The following PPP1R9A variants were observed in gnomAD, a reference collection of about 807,000 sequenced individuals.
PPP1R9A encodes protein phosphatase 1 regulatory subunit 9A, also known as neurabin-1.
In PPP1R9A, 59 loss-of-function variants were observed where a neutral mutation model predicts 141.9. That is an observed-to-expected ratio of 0.42 (90% CI 0.34 to 0.52). PPP1R9A has a LOEUF of 0.52. Among genes scored for constraint, PPP1R9A ranks in the 20% least tolerant of loss-of-function variants. The probability of loss-of-function intolerance (pLI) is 0.10; values close to 1 mark genes in which losing one functional copy is unlikely to be tolerated. For missense variants in PPP1R9A, 1,444 were observed against 1,611.9 expected, an observed-to-expected ratio of 0.90 and a Z score of 1.78; for synonymous variants, 500 against 569.7, an observed-to-expected ratio of 0.88 and a Z score of 1.74.
rs536042904 is a variant in PPP1R9A at position 94,924,686 on chromosome 7, G to A, written c.1395+13178G>A. 6.1e-4 allele frequency among the ~76,000 whole-genome samples: 93 copies of A among 152,106 alleles called. 2 individuals are homozygous for A. The South Asian group carries it at 0.019, about 31-fold the overall frequency. ...TGGAATTACAGGCACGCACCACCAT[G>A]CCTGGCTTAATTTTTCTTTTTTTCG... is the stretch of plus-strand genomic sequence containing the variant. On this transcript the variant is annotated intron_variant, in intron 2 of 19. Coordinates refer to ENST00000433360, the MANE Select transcript of PPP1R9A (RefSeq NM_001166160.2).
intron 4 of PPP1R9A, among the ~76,000 whole-genome samples, chr7:95,150,865 C>T (rs929387831): frequency 6.6e-6 from 1 of 152,054 alleles, no homozygotes; most frequent in Non-Finnish European, 1.5e-5. Context: ...CCTGATCATA[C>T]GTTTCACCAA....
chr7:94,917,057 C>G (rs374532936), intron 2 of PPP1R9A, among the ~76,000 whole-genome samples: 1 of 152,218 alleles, frequency 6.6e-6, no homozygotes, highest in Non-Finnish European at 1.5e-5. Flanking sequence ...CTCAAGTGAT[C>G]TGACCGCGTT....
chr7:95,050,772 G>A (rs1563167886), intron 2 of PPP1R9A, among the ~76,000 whole-genome samples: 1 of 152,120 alleles, frequency 6.6e-6, no homozygotes. Context: ...GGAGAAGATA[G>A]TTTCATTATA....
chr7:95,143,978 C>G (rs1342355763), intron 4 of PPP1R9A, among the ~76,000 whole-genome samples: 1 of 152,016 alleles, frequency 6.6e-6, no homozygotes, highest in African/African-American at 2.4e-5. Flanking sequence ...TATTCATCAG[C>G]TCACATAGTT....
chr7:94,925,701 G>T (rs769861075), intron 2 of PPP1R9A, among the ~76,000 whole-genome samples: 6 of 152,072 alleles, frequency 3.9e-5, no homozygotes, highest in Admixed American at 2.6e-4. Context: ...TTGTCACACC[G>T]CTTGGCACAT....
chr7:95,111,023 G>T (rs771723569), intron 2 of PPP1R9A, among the ~76,000 whole-genome samples: 6 of 152,094 alleles, frequency 3.9e-5, no homozygotes. Context: ...GTGTTCTGAG[G>T]CTACTTTGTC....
intron 4 of PPP1R9A, among the ~76,000 whole-genome samples, chr7:95,133,259 C>G (rs1452419174): frequency 6.6e-6 from 1 of 151,992 alleles, no homozygotes; most frequent in Middle Eastern, 3.2e-3. Context: ...CAGTCACGGG[C>G]TCTATGGACT....
At position 95,118,807 on chromosome 7, in the gene PPP1R9A, CAAAAAAA is replaced by C. The variant is rs201426523; in HGVS notation, c.1529-1894_1529-1888del. Reference sequence around the variant, plus strand: ...GCAACATGGTGAAACCCTGTCTGTACAAAAAAAAAAAAAAAAACACAAAAAATTACCC... The same window carrying C: ...GCAACATGGTGAAACCCTGTCTGTACAAAAAAAAAACACAAAAAATTACCC... On this transcript the variant is annotated intron_variant, in intron 3 of 19. Coordinates refer to ENST00000433360, the MANE Select transcript of PPP1R9A (RefSeq NM_001166160.2). Among the ~76,000 whole-genome samples the C allele has an allele frequency of 2.6e-3, 126 of 48,648 alleles. 1 individual carries two copies. The highest frequency in any genetic ancestry group is 0.013 in the Middle Eastern group (1 of 76). 31.9% of individuals were successfully genotyped at this position (48,648 alleles called of 152,430 possible).
chr7:95,283,897 C>T (rs1310018513), intron 16 of PPP1R9A, 121 bp from the exon 17 acceptor site: 15 of 860,966 alleles, frequency 1.7e-5, no homozygotes, highest in Non-Finnish European at 2.1e-5. Context: ...AAACTTTTTA[C>T]TCTGTTGAAT....
At chr7:95,198,165 T>C (rs1836568507) in intron 5 of PPP1R9A, among the ~76,000 whole-genome samples, 184 bp from the exon 6 acceptor site, 1 of 152,180 alleles carries the variant, frequency 6.6e-6, no homozygotes, top group Non-Finnish European at 1.5e-5. Context: ...GCTGTGTCCC[T>C]AAAAATCACT....
At chr7:95,250,358 G>A (rs1387224956) in intron 10 of PPP1R9A, 103 bp downstream of exon 10, 1 of 1,035,272 alleles carries the variant, frequency 9.7e-7, no homozygotes, top group Non-Finnish European at 1.4e-6. Flanking sequence ...TGACCTTAGA[G>A]ATATCTTTCC....
At chr7:95,279,856 C>G (rs17773481) in intron 16 of PPP1R9A, among the ~76,000 whole-genome samples, 12,021 of 152,182 alleles carry the variant, frequency 0.079, 570 homozygotes, top group Admixed American at 0.12. Flanking sequence ...TATTCTTAAA[C>G]TTAGCATTTA....
chr7:95,229,187 A>G (rs1047350179), intron 8 of PPP1R9A, among the ~76,000 whole-genome samples: 1 of 151,998 alleles, frequency 6.6e-6, no homozygotes, highest in Non-Finnish European at 1.5e-5. Flanking sequence ...TGGACAGAAC[A>G]GCATGTGGAG....
At chr7:94,999,777 T>TTTTATTTATTTA (rs34600036) in intron 2 of PPP1R9A, among the ~76,000 whole-genome samples, 303 of 141,358 alleles carry the variant, frequency 2.1e-3, no homozygotes, top group East Asian at 6.6e-3. Flanking sequence ...AGATATCTTA[T>TTTTATTTATTTA]TTTATTTATT....
At chr7:95,221,641 T>G (rs1160394440) in intron 7 of PPP1R9A, among the ~76,000 whole-genome samples, 2 of 152,086 alleles carry the variant, frequency 1.3e-5, no homozygotes, top group Non-Finnish European at 2.9e-5. Context: ...GTTGTATCTA[T>G]GAAAACTAAA....
intron 2 of PPP1R9A, among the ~76,000 whole-genome samples, chr7:95,073,313 T>C (rs926013099): frequency 2.0e-5 from 3 of 152,040 alleles, no homozygotes; most frequent in African/African-American, 7.2e-5. Context: ...GTTTATATTA[T>C]GAATTTATAT....
At chr7:95,248,900 T>G (rs1381912348) in intron 9 of PPP1R9A, among the ~76,000 whole-genome samples, 1 of 152,198 alleles carries the variant, frequency 6.6e-6, no homozygotes, top group African/African-American at 2.4e-5. Context: ...AACATAGATG[T>G]GTGTGTATAT....
chr7:94,959,869 A>G (rs10499912), intron 2 of PPP1R9A, among the ~76,000 whole-genome samples: 14,951 of 151,674 alleles, frequency 0.099, 829 homozygotes, highest in East Asian at 0.17. Context: ...TCTCCTCAGA[A>G]GTATATTATC....
At chr7:95,144,179 C>T (rs1228221297) in intron 4 of PPP1R9A, among the ~76,000 whole-genome samples, 1 of 152,228 alleles carries the variant, frequency 6.6e-6, no homozygotes, top group East Asian at 1.9e-4. Flanking sequence ...CCCTGATAAC[C>T]AGCCTTCTAC....
Sources: allele counts gnomAD v4.1 joint callset (sites outside exome capture counted in the v4.1 genomes callset), GRCh38; gene constraint gnomAD v4.1.1; transcripts MANE v1.5; gene names NCBI Gene and HGNC (gene_info 2026-07-23, HGNC 2026-07-21).